RYR2: variants seen among roughly 807,000 people sequenced by gnomAD.
The protein encoded by RYR2 is cardiac muscle ryanodine receptor-calcium release channel.
In RYR2, 227 loss-of-function variants were observed where a neutral mutation model predicts 601.1. That is an observed-to-expected ratio of 0.38 (90% CI 0.34 to 0.42). The LOEUF (loss-of-function observed/expected upper bound fraction) is 0.42, where lower values mean the gene tolerates loss of function less well. Among genes scored for constraint, RYR2 ranks in the 10% least tolerant of loss-of-function variants. The probability of loss-of-function intolerance (pLI) is 1.00; values close to 1 mark genes in which losing one functional copy is unlikely to be tolerated. For missense variants in RYR2, 4,646 were observed against 6,156.5 expected, an observed-to-expected ratio of 0.75 and a Z score of 8.21; for synonymous variants, 2,223 against 2,175.1, an observed-to-expected ratio of 1.02 and a Z score of -0.61.
chr1:237,611,820 T>G (rs1490814929), intron 36 of RYR2, among the ~76,000 whole-genome samples: 2 of 152,212 alleles, frequency 1.3e-5, no homozygotes, highest in Non-Finnish European at 2.9e-5. Context: ...CATTTTTTAT[T>G]TTAATATCTT....
Position 237,626,580 on chromosome 1 carries a change from C to CTTTTTTTTTTTTTTTTTTTTTTTTTTTTT in RYR2, c.6166+779_6166+807dup, listed in dbSNP as rs60885998. On this transcript the variant is annotated intron_variant, in intron 40 of 104. Transcript: ENST00000366574. ...TTCTTTTCTTTTTCTTTTTCTTTTT[C>CTTTTTTTTTTTTTTTTTTTTTTTTTTTTT]TTTTTTTTTTTTTTTTTTTTTTTTT... Among the ~76,000 whole-genome samples, 35 of 40,060 alleles carry CTTTTTTTTTTTTTTTTTTTTTTTTTTTTT rather than the reference C, an allele frequency of 8.7e-4. 7 individuals carry two copies. Among genetic ancestry groups the CTTTTTTTTTTTTTTTTTTTTTTTTTTTTT allele is most frequent in the Non-Finnish European group, 1.4e-3 (31 of 22,174 alleles). 26.3% of individuals were successfully genotyped at this position (40,060 alleles called of 152,430 possible). A position where few individuals can be genotyped will look rare whatever the true frequency, so the allele number is the denominator to read the frequency against.
At chr1:237,811,549 A>G (rs790886) in intron 100 of RYR2, among the ~76,000 whole-genome samples, 86,564 of 152,002 alleles carry the variant, frequency 0.57, 25,542 homozygotes, top group East Asian at 0.83. Flanking sequence ...AAAAAATCTT[A>G]AGAATAAATA....
chr1:237,236,801 CAATAT>C (rs1558474679), intron 1 of RYR2, among the ~76,000 whole-genome samples: 1 of 152,112 alleles, frequency 6.6e-6, no homozygotes, highest in African/African-American at 2.4e-5. Flanking sequence ...GAATTATCTA[CAATAT>C]AAGATATTTT....
intron 3 of RYR2, chr1:237,352,927 C>T (rs937791693): frequency 1.4e-5 from 7 of 484,430 alleles, no homozygotes; most frequent in South Asian, 1.1e-4. Context: ...AAAATCAATA[C>T]CAGGTATGTC....
At chr1:237,366,780 A>G (rs941166922) in intron 5 of RYR2, among the ~76,000 whole-genome samples, 1 of 152,096 alleles carries the variant, frequency 6.6e-6, no homozygotes, top group Non-Finnish European at 1.5e-5. Flanking sequence ...GTTAACTTCA[A>G]GACCTTGTCC....
At chr1:237,483,829 T>C (rs1662381087) in intron 17 of RYR2, among the ~76,000 whole-genome samples, 1 of 152,164 alleles carries the variant, frequency 6.6e-6, no homozygotes, top group African/African-American at 2.4e-5. Context: ...AATCTGGAGA[T>C]ATTAATAAAA....
intron 5 of RYR2, 95 bp from the exon 6 acceptor site, chr1:237,369,439 G>T (rs761134780): frequency 9.6e-6 from 10 of 1,041,220 alleles, no homozygotes; most frequent in African/African-American, 1.6e-5. Flanking sequence ...TCCTACTAAC[G>T]TTCCTTTGAG....
chr1:237,467,600 C>T (rs1223132317), intron 16 of RYR2, among the ~76,000 whole-genome samples: 1 of 152,156 alleles, frequency 6.6e-6, no homozygotes, highest in Non-Finnish European at 1.5e-5. Flanking sequence ...GTACAAATGT[C>T]ACAGAGGCGC....
chr1:237,098,422 T>TGTGC (rs945143013), intron 1 of RYR2, among the ~76,000 whole-genome samples: 2 of 149,856 alleles, frequency 1.3e-5, no homozygotes, highest in South Asian at 2.1e-4. Flanking sequence ...TGTGTGTGTG[T>TGTGC]GGTGAGACAC....
chr1:237,235,541 G>A (rs190363927), intron 1 of RYR2, among the ~76,000 whole-genome samples: 196 of 152,270 alleles, frequency 1.3e-3, no homozygotes, highest in African/African-American at 4.2e-3. Flanking sequence ...TCCTTCTGTC[G>A]TCACTGGCAA....
chr1:237,491,575 C>G (rs950094526), intron 17 of RYR2, among the ~76,000 whole-genome samples: 1 of 152,212 alleles, frequency 6.6e-6, no homozygotes, highest in African/African-American at 2.4e-5. Context: ...CTAAACACCA[C>G]GTCTCAGTTG....
At chr1:237,791,727 G>A in intron 93 of RYR2, 1 of 574,896 alleles carries the variant, frequency 1.7e-6, no homozygotes, top group Non-Finnish European at 3.1e-6. Context: ...AAGGGCATTT[G>A]ATTTAGCAGA....
intron 27 of RYR2, among the ~76,000 whole-genome samples, chr1:237,551,674 A>G (rs1670421104): frequency 6.6e-6 from 1 of 152,192 alleles, no homozygotes; most frequent in South Asian, 2.1e-4. Context: ...CAGGGCCTAT[A>G]ATTTTTGATG....
chr1:237,802,854 A>G (rs1373607938), intron 98 of RYR2, among the ~76,000 whole-genome samples: 1 of 152,182 alleles, frequency 6.6e-6, no homozygotes, highest in Non-Finnish European at 1.5e-5. Context: ...CATAATATTC[A>G]TCTTGCTTTG....
rs1334040814 is a variant in RYR2 at position 237,589,731 on chromosome 1, A to C, written c.3599-62A>C. ...CGGTCCTGGAACAATATGTTTGATA[A>C]TTCTATACTAACAGGATCATATACT... On this transcript the variant is annotated intron_variant, in intron 29 of 104. Coordinates refer to ENST00000366574, the MANE Select transcript of RYR2 (RefSeq NM_001035.3). The C allele has an allele frequency of 2.6e-6, 4 of 1,509,988 alleles. No homozygotes were observed. The East Asian group carries it at 9.2e-5, about 35-fold the overall frequency. The allele number at this position is 1,509,988 out of a possible 1,614,324, so 93.5% of individuals were successfully genotyped here.
chr1:237,704,470 T>A (rs2149047205), intron 66 of RYR2, among the ~76,000 whole-genome samples: 1 of 152,242 alleles, frequency 6.6e-6, no homozygotes, highest in Admixed American at 6.5e-5. Context: ...GTTCTATTAT[T>A]TGATTTTTTA....
chr1:237,510,622 T>TAA (rs985755076), intron 23 of RYR2, among the ~76,000 whole-genome samples: 1 of 151,250 alleles, frequency 6.6e-6, no homozygotes, highest in Non-Finnish European at 1.5e-5. Flanking sequence ...GCTGAAGACT[T>TAA]AAAAAAAAAG....
chr1:237,146,079 T>C (rs1472623327), intron 1 of RYR2, among the ~76,000 whole-genome samples: 1 of 152,228 alleles, frequency 6.6e-6, no homozygotes, highest in Non-Finnish European at 1.5e-5. Context: ...CTATAGCATA[T>C]ATTTGGGTAA....
intron 60 of RYR2, 135 bp from the exon 61 acceptor site, chr1:237,677,913 T>C: frequency 1.6e-6 from 1 of 619,272 alleles, no homozygotes; most frequent in Non-Finnish European, 2.9e-6. Context: ...TTTGCCTTTA[T>C]ATTTTTGGTT....
Sources: gnomAD v4.1 joint callset for allele counts (sites outside exome capture counted in the v4.1 genomes callset) on GRCh38, gnomAD v4.1.1 for gene constraint, MANE v1.5 for transcripts, NCBI Gene and HGNC (gene_info 2026-07-23, HGNC 2026-07-21) for gene names.